HECW2: variants seen among roughly 807,000 people sequenced by gnomAD.
The protein encoded by HECW2 is HECT, C2 and WW domain containing E3 ubiquitin protein ligase 2, also known as E3 ubiquitin-protein ligase HECW2.
Under a neutral mutation model 175.2 loss-of-function variants are expected in HECW2, and 61 were observed. That is an observed-to-expected ratio of 0.35 (90% CI 0.28 to 0.43). The LOEUF (loss-of-function observed/expected upper bound fraction) is 0.43. Ranked by LOEUF, HECW2 falls within the 20% of genes least tolerant of loss-of-function variation. HECW2 has a pLI of 1.00. For synonymous variants in HECW2, 671 were observed against 731.0 expected, an observed-to-expected ratio of 0.92 and a Z score of 1.32; for missense variants, 1,524 against 2,000.5, an observed-to-expected ratio of 0.76 and a Z score of 4.54.
intron 1 of HECW2, among the ~76,000 whole-genome samples, chr2:196,589,957 G>A (rs1185236998): frequency 1.3e-5 from 2 of 152,182 alleles, no homozygotes; most frequent in African/African-American, 4.8e-5. Context: ...TAGATGACAA[G>A]CAATTATCTC....
intron 2 of HECW2, among the ~76,000 whole-genome samples, chr2:196,426,613 A>G (rs1695554852): frequency 6.6e-6 from 1 of 152,218 alleles, no homozygotes; most frequent in African/African-American, 2.4e-5. Flanking sequence ...TTAACACTAT[A>G]GCCAATCATC....
intron 1 of HECW2, among the ~76,000 whole-genome samples, chr2:196,568,495 T>C (rs1460148415): frequency 6.6e-6 from 1 of 152,210 alleles, no homozygotes; most frequent in African/African-American, 2.4e-5. Context: ...GATTTTTCAA[T>C]TTTACCATGG....
chr2:196,221,291 C>G (rs553220530), intron 24 of HECW2, among the ~76,000 whole-genome samples: 1 of 151,386 alleles, frequency 6.6e-6, no homozygotes, highest in African/African-American at 2.5e-5. Context: ...CTATATCTAG[C>G]GTAAAGATTT....
At chr2:196,315,663 A>G (rs1384308563) in intron 10 of HECW2, 2 of 152,250 alleles carry the variant, frequency 1.3e-5, no homozygotes, top group Non-Finnish European at 2.9e-5. Context: ...AAAATTTCCC[A>G]AGATGTATCT....
chr2:196,221,292 G>A (rs114138637), intron 24 of HECW2, among the ~76,000 whole-genome samples: 2,811 of 151,890 alleles, frequency 0.019, 89 homozygotes, highest in African/African-American at 0.065. Context: ...TATATCTAGC[G>A]TAAAGATTTA....
In HECW2 at chr2:196,319,060, C is replaced by T. The variant is rs1250066055; in HGVS notation, c.1830G>A (p.Val610=). The stretch of plus-strand genomic sequence containing the variant: ...GATCACTGGGTTCTGTTTCAGAGGA[C>T]ACCTGGGAAGGCTCAGAGCCCTGAT... ...SLDQGSEPSQ[V]SSETEPSDPA... The change falls in exon 9 of 29, where the codon GTG becomes GTA. Residue 610 remains valine, a synonymous_variant. Coordinates refer to ENST00000644978, the MANE Select transcript of HECW2 (RefSeq NM_001348768.2). The T allele has an allele frequency of 3.7e-6, 6 of 1,612,658 alleles. No individual in the cohort carries two copies. In the South Asian group the frequency reaches 6.6e-5, roughly 18 times the overall value.
intron 1 of HECW2, among the ~76,000 whole-genome samples, chr2:196,501,669 T>A (rs1416353377): frequency 6.6e-6 from 1 of 152,200 alleles, no homozygotes; most frequent in African/African-American, 2.4e-5. Context: ...TTAGATTTTT[T>A]AAAATACTTA....
intron 2 of HECW2, among the ~76,000 whole-genome samples, chr2:196,399,538 AG>A (rs1694761167): frequency 6.6e-6 from 1 of 152,190 alleles, no homozygotes; most frequent in Non-Finnish European, 1.5e-5. Flanking sequence ...TCTTCCCCCA[AG>A]TTAAGTGTGG....
chr2:196,376,480 T>G (rs2105912503), intron 2 of HECW2, among the ~76,000 whole-genome samples: 1 of 151,226 alleles, frequency 6.6e-6, no homozygotes, highest in African/African-American at 2.4e-5. Context: ...AATACAAAAA[T>G]TAGCTGGGTG....
intron 17 of HECW2, among the ~76,000 whole-genome samples, chr2:196,268,745 C>T (rs546486329): frequency 7.2e-5 from 11 of 152,202 alleles, no homozygotes; most frequent in African/African-American, 2.4e-4. Flanking sequence ...TAACTAGTGG[C>T]ATGTGTTGGT....
At chr2:196,223,737 G>C (rs543798438) in intron 23 of HECW2, among the ~76,000 whole-genome samples, 1 of 152,170 alleles carries the variant, frequency 6.6e-6, no homozygotes, top group Admixed American at 6.5e-5. Flanking sequence ...TATTTAAAAT[G>C]GGGTGGGATG....
intron 2 of HECW2, among the ~76,000 whole-genome samples, chr2:196,358,740 A>T (rs1693477952): frequency 6.6e-6 from 1 of 151,856 alleles, no homozygotes; most frequent in African/African-American, 2.4e-5. Context: ...CTAATTTCTC[A>T]TAAATATACA....
chr2:196,392,931 A>C (rs1053298824), intron 2 of HECW2, among the ~76,000 whole-genome samples: 2 of 152,228 alleles, frequency 1.3e-5, no homozygotes, highest in African/African-American at 4.8e-5. Flanking sequence ...TAACCCAAAC[A>C]GCATGGTACT....
intron 13 of HECW2, among the ~76,000 whole-genome samples, chr2:196,305,935 C>G (rs975191624): frequency 6.6e-5 from 10 of 152,150 alleles, no homozygotes; most frequent in Non-Finnish European, 1.3e-4. Context: ...TCCCTCAGCC[C>G]TCGGAGACTC....
intron 1 of HECW2, among the ~76,000 whole-genome samples, chr2:196,586,972 T>C (rs1691006262): frequency 6.6e-6 from 1 of 152,212 alleles, no homozygotes; most frequent in Non-Finnish European, 1.5e-5. Context: ...CCAACCATGT[T>C]ATTTGACAAA....
intron 2 of HECW2, among the ~76,000 whole-genome samples, chr2:196,417,215 A>C (rs1415857879): frequency 6.6e-6 from 1 of 152,258 alleles, no homozygotes; most frequent in Admixed American, 6.5e-5. Flanking sequence ...TAATATTTTA[A>C]TGATTCCAAA....
At chr2:196,241,822 A>T (rs1002838073) in intron 20 of HECW2, among the ~76,000 whole-genome samples, 1 of 152,226 alleles carries the variant, frequency 6.6e-6, no homozygotes, top group Non-Finnish European at 1.5e-5. Context: ...AGAGGAAAAA[A>T]ATAAATCAGC....
intron 10 of HECW2, chr2:196,316,995 A>G (rs910435648): frequency 2.6e-6 from 1 of 378,330 alleles, no homozygotes; most frequent in South Asian, 4.7e-5. Flanking sequence ...CAATTCTATT[A>G]TGCACCCAAT....
chr2:196,353,312 A>G (rs142143244), intron 2 of HECW2, among the ~76,000 whole-genome samples: 76 of 152,312 alleles, frequency 5.0e-4, no homozygotes, highest in African/African-American at 1.7e-3. Flanking sequence ...TTTGAAACGC[A>G]AGTCTTCCTC....
Sources: gnomAD v4.1 joint callset for allele counts (sites outside exome capture counted in the v4.1 genomes callset) on GRCh38, gnomAD v4.1.1 for gene constraint, MANE v1.5 for transcripts, NCBI Gene and HGNC (gene_info 2026-07-23, HGNC 2026-07-21) for gene names.